Variants in SLC22A23 observed in about 807,000 individuals in gnomAD.
The protein encoded by SLC22A23 is ion transporter protein.
Under a neutral mutation model 61.0 loss-of-function variants are expected in SLC22A23, and 26 were observed. The ratio of observed to expected loss-of-function variants is 0.43; its 90% CI spans 0.31 to 0.59. The LOEUF (loss-of-function observed/expected upper bound fraction) is 0.59. Among genes scored for constraint, SLC22A23 ranks in the 20% least tolerant of loss-of-function variants. SLC22A23 has a pLI of 0.11. For synonymous variants in SLC22A23, 430 were observed against 413.9 expected (o/e 1.04, Z -0.47); for missense variants, 796 against 934.7 (o/e 0.85, Z 1.94).
chr6:3,276,982 A>G (rs1211765663), intron 9 of SLC22A23: 1 of 152,252 alleles, frequency 6.6e-6, no homozygotes, highest in African/African-American at 2.4e-5. Flanking sequence ...TGCATCTATA[A>G]AACAGGGATG....
In SLC22A23 at chr6:3,413,501, C is replaced by T. The variant is rs998822286; in HGVS notation, c.758+2251G>A. 9.2e-5 allele frequency among the ~76,000 whole-genome samples: 14 copies of T among 152,348 alleles called. No individual in the cohort carries two copies. The South Asian group carries it at 1.4e-3, about 16-fold the overall frequency. On this transcript the variant is annotated intron_variant, in intron 2 of 9. Transcript: ENST00000406686. ...AGGGCTGCTGCAGTAACAAACACAGCGAAGAAGTGAGCGCATCCCTGGGGC... is the reference window on the plus strand; with the variant it reads ...AGGGCTGCTGCAGTAACAAACACAGTGAAGAAGTGAGCGCATCCCTGGGGC...
chr6:3,295,916 T>A (rs4959231), intron 5 of SLC22A23, among the ~76,000 whole-genome samples: 17,143 of 152,198 alleles, frequency 0.11, 1,379 homozygotes, highest in African/African-American at 0.22. Flanking sequence ...CCCAGCCTCC[T>A]GCCTGGGACT....
At chr6:3,313,972 T>G (rs1238785367) in intron 4 of SLC22A23, among the ~76,000 whole-genome samples, 2 of 152,222 alleles carry the variant, frequency 1.3e-5, no homozygotes, top group African/African-American at 2.4e-5. Flanking sequence ...GAGGTTGTAG[T>G]GAGCCGAGAT....
Position 3,322,032 on chromosome 6 carries a change from C to T in SLC22A23, c.1082+1802G>A, listed in dbSNP as rs141761402. Among the ~76,000 whole-genome samples the T allele has an allele frequency of 1.1e-4, 17 of 152,242 alleles. No homozygotes were observed. The highest frequency in any genetic ancestry group is 3.6e-4 in the African/African-American group (15 of 41,520). On this transcript the variant is annotated intron_variant, in intron 4 of 9. Coordinates refer to ENST00000406686, the MANE Select transcript of SLC22A23 (RefSeq NM_015482.2). The surrounding 1 kb of genome is among the most constrained non-coding windows in gnomAD (Gnocchi z 4.1). ...CCAGGGTGCCCGGCAGCCTACTTGG[C>T]GCTTTGGAGTACTGTATCTCTAAAG...
At chr6:3,362,447 ATG>A in intron 3 of SLC22A23, among the ~76,000 whole-genome samples, 1 of 139,310 alleles carries the variant, frequency 7.2e-6, no homozygotes, top group African/African-American at 3.1e-5. Flanking sequence ...AAAAATTAGC[ATG>A]CATTTTCATC....
intron 3 of SLC22A23, among the ~76,000 whole-genome samples, chr6:3,398,637 CT>C (rs1241113451): frequency 1.3e-5 from 2 of 151,920 alleles, no homozygotes; most frequent in East Asian, 1.9e-4. Flanking sequence ...AGTGGAGGCC[CT>C]GCAGCTTCGC....
intron 3 of SLC22A23, among the ~76,000 whole-genome samples, chr6:3,364,012 G>A (rs942342931): frequency 6.6e-6 from 1 of 152,228 alleles, no homozygotes; most frequent in Admixed American, 6.5e-5. Flanking sequence ...TGGCCCATGG[G>A]CCCACACAAC....
At position 3,347,273 on chromosome 6, in the gene SLC22A23, C is replaced by CT. The variant is rs978444703; in HGVS notation, c.914-23272_914-23271insA. ...TTGTCTTACACGCACATGCATCTGTCCCCCCAACTGGACCCTAGCGTTCTT... is the reference window on the plus strand; with the variant it reads ...TTGTCTTACACGCACATGCATCTGTCTCCCCCAACTGGACCCTAGCGTTCTT... On this transcript the variant is annotated intron_variant, in intron 3 of 9. Transcript: ENST00000406686. Among the ~76,000 whole-genome samples, 16 of 60,022 alleles carry CT rather than the reference C, an allele frequency of 2.7e-4. 1 individual carries two copies. The highest frequency in any genetic ancestry group is 2.4e-3 in the African/African-American group (16 of 6,770). 39.4% of individuals were successfully genotyped at this position (60,022 alleles called of 152,430 possible). A position where few individuals can be genotyped will look rare whatever the true frequency, so the allele number is the denominator to read the frequency against.
intron 1 of SLC22A23, among the ~76,000 whole-genome samples, chr6:3,424,018 G>A (rs971321503): frequency 1.3e-5 from 2 of 152,180 alleles, no homozygotes; most frequent in Non-Finnish European, 2.9e-5. Context: ...TCCCACAGCC[G>A]CAGGCTATGG....
intron 4 of SLC22A23, among the ~76,000 whole-genome samples, chr6:3,316,340 T>C (rs9378783): frequency 0.32 from 48,460 of 152,246 alleles, 8,522 homozygotes; most frequent in East Asian, 0.59. Context: ...ATGGTTAATA[T>C]GTTTTCACAC....
intron 3 of SLC22A23, among the ~76,000 whole-genome samples, chr6:3,380,787 A>G (rs1368422164): frequency 6.6e-6 from 1 of 152,146 alleles, no homozygotes; most frequent in African/African-American, 2.4e-5. Flanking sequence ...CTTATTCACA[A>G]TACATGCCTA....
chr6:3,406,542 G>A (rs1414791308), intron 3 of SLC22A23, among the ~76,000 whole-genome samples: 3 of 54,990 alleles, frequency 5.5e-5, no homozygotes, highest in African/African-American at 2.6e-4. Flanking sequence ...GTGTGTGTGT[G>A]TGTGTGCGCG....
At chr6:3,354,898 G>A (rs1764976976) in intron 3 of SLC22A23, among the ~76,000 whole-genome samples, 1 of 152,148 alleles carries the variant, frequency 6.6e-6, no homozygotes, top group South Asian at 2.1e-4. Context: ...TTCATGGGTA[G>A]ACAACACGCA....
rs1397876097 is a variant in SLC22A23 at position 3,271,772 on chromosome 6, C to G, written c.*1283G>C. 6.6e-6 allele frequency: 1 copy of G among 152,354 alleles called. No homozygotes were observed. 9.4% of individuals were successfully genotyped at this position (152,354 alleles called of 1,614,324 possible). On this transcript the variant is annotated 3_prime_UTR_variant, in exon 10 of 10. Coordinates refer to ENST00000406686, the MANE Select transcript of SLC22A23 (RefSeq NM_015482.2). ...AATGCCAAGAGGAAACCTCCACTTT[C>G]TGGGGTGAAACGAGGAACACGAAGA...
intron 3 of SLC22A23, among the ~76,000 whole-genome samples, chr6:3,389,140 T>C (rs1348054876): frequency 6.6e-6 from 1 of 151,522 alleles, no homozygotes; most frequent in African/African-American, 2.4e-5. Flanking sequence ...TGGTGGAGCA[T>C]GCCTGAGATC....
At chr6:3,400,347 C>T (rs1167541751) in intron 3 of SLC22A23, among the ~76,000 whole-genome samples, 1 of 152,234 alleles carries the variant, frequency 6.6e-6, no homozygotes, top group African/African-American at 2.4e-5. Context: ...AGTTCCCAAG[C>T]TTGCTGCGAG....
At chr6:3,452,958 G>A (rs1023692517) in intron 1 of SLC22A23, among the ~76,000 whole-genome samples, 9 of 152,280 alleles carry the variant, frequency 5.9e-5, no homozygotes, top group African/African-American at 1.7e-4. Flanking sequence ...CAACATTGGA[G>A]GGGTTGGTGA....
At chr6:3,411,463 T>A (rs1769238176) in intron 2 of SLC22A23, among the ~76,000 whole-genome samples, 1 of 152,184 alleles carries the variant, frequency 6.6e-6, no homozygotes, top group Non-Finnish European at 1.5e-5. Flanking sequence ...TTTGTGGTTG[T>A]CCAGGACTGG....
At chr6:3,455,766 AAGG>A (rs2127562215) in intron 1 of SLC22A23, 137 bp downstream of exon 1, 2 of 1,038,056 alleles carry the variant, frequency 1.9e-6, no homozygotes, top group South Asian at 3.7e-5. Context: ...TGGGGGACGG[AAGG>A]AGATTAAGCC....
Sources: gnomAD v4.1 joint callset for allele counts (sites outside exome capture counted in the v4.1 genomes callset) on GRCh38, gnomAD v4.1.1 for gene constraint, Gnocchi (gnomAD v3.1) non-coding constraint, MANE v1.5 for transcripts, NCBI Gene and HGNC (gene_info 2026-07-23, HGNC 2026-07-21) for gene names.